AJAP1: variants seen among roughly 807,000 people sequenced by gnomAD.
The protein encoded by AJAP1 is adherens junctions associated protein 1.
AJAP1 carries 5 observed loss-of-function variants against 35.0 expected under a neutral mutation model. That is an observed-to-expected ratio of 0.14 (90% CI 0.07 to 0.30). The LOEUF is 0.30. Ranked by LOEUF, AJAP1 falls within the 10% of genes least tolerant of loss-of-function variation. The probability of loss-of-function intolerance (pLI) is 1.00; values close to 1 mark genes in which losing one functional copy is unlikely to be tolerated. For missense variants in AJAP1, 586 were observed against 571.0 expected, an observed-to-expected ratio of 1.03 and a Z score of -0.27; for synonymous variants, 284 against 249.3, an observed-to-expected ratio of 1.14 and a Z score of -1.31.
At chr1:4,767,021 C>T (rs1437526173) in intron 2 of AJAP1, among the ~76,000 whole-genome samples, 1 of 152,116 alleles carries the variant, frequency 6.6e-6, no homozygotes, top group East Asian at 1.9e-4. Context: ...GTGATTAGCC[C>T]ATAATGCACC....
intron 1 of AJAP1, among the ~76,000 whole-genome samples, chr1:4,689,511 C>A (rs1191498854): frequency 6.6e-6 from 1 of 152,150 alleles, no homozygotes; most frequent in East Asian, 1.9e-4. Context: ...GCCGATGGCC[C>A]CTGGGGCCCT....
At chr1:4,727,828 C>T (rs1640702035) in intron 2 of AJAP1, among the ~76,000 whole-genome samples, 1 of 152,230 alleles carries the variant, frequency 6.6e-6, no homozygotes, top group Admixed American at 6.5e-5. Flanking sequence ...AGGGCGGCCC[C>T]TGTCCACAGC....
At chr1:4,666,010 T>G (rs1639108231) in intron 1 of AJAP1, among the ~76,000 whole-genome samples, 2 of 152,152 alleles carry the variant, frequency 1.3e-5, no homozygotes, top group African/African-American at 4.8e-5. Context: ...GGCTGCCGTT[T>G]ACGGAGCACT....
intron 1 of AJAP1, among the ~76,000 whole-genome samples, chr1:4,683,889 G>C (rs1639542946): frequency 6.6e-6 from 1 of 152,216 alleles, no homozygotes; most frequent in Admixed American, 6.5e-5. Context: ...CTTAGGGCAG[G>C]GGGCACTGAG....
chr1:4,704,171 T>A (rs529440108), intron 1 of AJAP1, among the ~76,000 whole-genome samples: 8 of 151,914 alleles, frequency 5.3e-5, no homozygotes, highest in African/African-American at 1.7e-4. Context: ...TTTTTTTTTT[T>A]TATACTTTAA....
intron 1 of AJAP1, among the ~76,000 whole-genome samples, chr1:4,707,911 T>G (rs2100257729): frequency 6.6e-6 from 1 of 151,622 alleles, no homozygotes; most frequent in South Asian, 2.1e-4. Flanking sequence ...GCACTTCATG[T>G]TCTCTGTCTT....
rs146198645 is a variant in AJAP1, at chr1:4,705,396, T to A, written c.30-6504T>A. Among the ~76,000 whole-genome samples, 17 of 20,118 alleles carry A rather than the reference T, an allele frequency of 8.5e-4. 1 individual carries two copies. In the Admixed American group the frequency reaches 0.011, roughly 13 times the overall value. 13.2% of individuals were successfully genotyped at this position (20,118 alleles called of 152,430 possible). On this transcript the variant is annotated intron_variant, in intron 1 of 5. Transcript: ENST00000378191. Reference sequence around the variant, plus strand: ...GCCAAATGGGGAAGTTTTGAAGAGCTTTTTTTTTTTTTTTTTTTTTTTTTT... The same window carrying A: ...GCCAAATGGGGAAGTTTTGAAGAGCATTTTTTTTTTTTTTTTTTTTTTTTT...
chr1:4,663,915 C>T (rs1357666730), intron 1 of AJAP1, among the ~76,000 whole-genome samples: 1 of 152,118 alleles, frequency 6.6e-6, no homozygotes, highest in Non-Finnish European at 1.5e-5. Context: ...TTTCGGGAGG[C>T]CTGGGTGCGG....
chr1:4,774,686 C>T, intron 5 of AJAP1, 128 bp downstream of exon 5: 1 of 599,368 alleles, frequency 1.7e-6, no homozygotes, highest in East Asian at 2.9e-5. Flanking sequence ...AATGGCATCA[C>T]TTCTCTGAAC....
At chr1:4,664,177 A>G (rs1639065003) in intron 1 of AJAP1, among the ~76,000 whole-genome samples, 1 of 152,158 alleles carries the variant, frequency 6.6e-6, no homozygotes, top group East Asian at 1.9e-4. Context: ...GCCCGCACTC[A>G]AACCCAGGCA....
chr1:4,730,367 A>C (rs1640769818), intron 2 of AJAP1, among the ~76,000 whole-genome samples: 1 of 152,210 alleles, frequency 6.6e-6, no homozygotes, highest in Non-Finnish European at 1.5e-5. Flanking sequence ...GCAGCTCGGC[A>C]CAGCTGTTCC....
At chr1:4,703,418 C>T (rs939471761) in intron 1 of AJAP1, among the ~76,000 whole-genome samples, 1 of 152,024 alleles carries the variant, frequency 6.6e-6, no homozygotes, top group Non-Finnish European at 1.5e-5. Context: ...CGAGCCTGCT[C>T]TTGAGTTGGG....
intron 2 of AJAP1, among the ~76,000 whole-genome samples, chr1:4,757,278 G>A (rs1641454504): frequency 6.6e-6 from 1 of 152,204 alleles, no homozygotes; most frequent in Non-Finnish European, 1.5e-5. Flanking sequence ...AGACCCAGGG[G>A]CATGCAGTGC....
intron 2 of AJAP1, among the ~76,000 whole-genome samples, chr1:4,715,665 A>G (rs866347764): frequency 2.0e-5 from 3 of 152,334 alleles, no homozygotes; most frequent in Middle Eastern, 6.8e-3. Context: ...AGCCTGGGCA[A>G]TAAGAGTGAA....
intron 1 of AJAP1, among the ~76,000 whole-genome samples, chr1:4,666,692 A>AGGGGCCTGT: frequency 8.4e-6 from 1 of 119,084 alleles, no homozygotes; most frequent in Admixed American, 8.9e-5. Context: ...GAGAGGCCCA[A>AGGGGCCTGT]GAATCGCGGG....
At chr1:4,769,313 A>G (rs574822059) in intron 2 of AJAP1, among the ~76,000 whole-genome samples, 1 of 152,304 alleles carries the variant, frequency 6.6e-6, no homozygotes, top group South Asian at 2.1e-4. Context: ...TGAGGGTGTC[A>G]TCCCATGTGC....
intron 1 of AJAP1, among the ~76,000 whole-genome samples, chr1:4,699,954 G>A (rs757208219): frequency 5.9e-5 from 9 of 152,148 alleles, no homozygotes; most frequent in South Asian, 2.1e-4. Context: ...ATCCTACGCC[G>A]TCTTTTTCTC....
At chr1:4,697,097 G>T (rs537549490) in intron 1 of AJAP1, among the ~76,000 whole-genome samples, 1 of 152,182 alleles carries the variant, frequency 6.6e-6, no homozygotes, top group African/African-American at 2.4e-5. Context: ...TGTGTTTTCT[G>T]TATATGCATG....
intron 1 of AJAP1, among the ~76,000 whole-genome samples, chr1:4,675,393 T>C (rs1420796236): frequency 6.6e-6 from 1 of 152,218 alleles, no homozygotes; most frequent in Non-Finnish European, 1.5e-5. Context: ...TCCTCTCCCA[T>C]TGAGGTCAGG....
Sources: gnomAD v4.1 joint callset for allele counts (sites outside exome capture counted in the v4.1 genomes callset) on GRCh38, gnomAD v4.1.1 for gene constraint, MANE v1.5 for transcripts, NCBI Gene and HGNC (gene_info 2026-07-23, HGNC 2026-07-21) for gene names.